The following RBMS2 variants were observed in gnomAD, a reference collection of about 807,000 sequenced individuals.
The protein encoded by RBMS2 is RNA-binding motif, single-stranded-interacting protein 2.
Under a neutral mutation model 58.4 loss-of-function variants are expected in RBMS2, and 38 were observed. The observed-to-expected ratio is 0.65, with a 90% CI of 0.50 to 0.85. RBMS2 has a LOEUF of 0.85. RBMS2 is among the 40% of genes least tolerant of loss of function. The pLI, the probability that RBMS2 is intolerant of heterozygous loss-of-function variation, is 0.00. For synonymous variants in RBMS2, 151 were observed against 180.7 expected, an observed-to-expected ratio of 0.84 and a Z score of 1.32; for missense variants, 367 against 503.7, an observed-to-expected ratio of 0.73 and a Z score of 2.60.
intron 5 of RBMS2, among the ~76,000 whole-genome samples, chr12:56,576,628 A>G (rs1037776360): frequency 2.0e-5 from 3 of 152,016 alleles, no homozygotes; most frequent in African/African-American, 7.3e-5. Context: ...CCATTTCTCT[A>G]TAGAATTTTG....
Position 56,521,896 on chromosome 12 carries a change from C to G in RBMS2, c.-128C>G, listed in dbSNP as rs890506156. 11 of 312,814 alleles carry G rather than the reference C, an allele frequency of 3.5e-5. No individual in the cohort carries two copies. The highest frequency in any genetic ancestry group is 7.2e-5 in the African/African-American group (3 of 41,464). 19.4% of individuals were successfully genotyped at this position (312,814 alleles called of 1,614,324 possible). A position where few individuals can be genotyped will look rare whatever the true frequency, so the allele number is the denominator to read the frequency against. On this transcript the variant is annotated 5_prime_UTR_variant, in exon 1 of 14. Transcript: ENST00000262031. ...TCCTTTTCTCCTCCTTTCTCCTCCC[C>G]CTCCCTTTTTTCCTCCCTCCCTCTC...
intron 1 of RBMS2, among the ~76,000 whole-genome samples, chr12:56,538,300 C>G (rs999187858): frequency 1.3e-5 from 2 of 151,394 alleles, no homozygotes; most frequent in Admixed American, 6.6e-5. Context: ...CCCAAAGTGC[C>G]TGGAATTACA....
Position 56,594,347 on chromosome 12 carries a change from G to C in RBMS2, c.*5214G>C, listed in dbSNP as rs1010535531. The C allele has an allele frequency of 6.6e-6, 1 of 152,220 alleles. No homozygotes were observed. Among genetic ancestry groups the C allele is most frequent in the Non-Finnish European group, 1.5e-5 (1 of 68,040 alleles). 9.4% of individuals were successfully genotyped at this position (152,220 alleles called of 1,614,324 possible). ...GAGGGGCTTTGCATTCTTAGCCAAG[G>C]GCAATAAACTGGGTGGGTGATCTGG... On this transcript the variant is annotated 3_prime_UTR_variant, in exon 14 of 14. Coordinates refer to ENST00000262031, the MANE Select transcript of RBMS2 (RefSeq NM_002898.4).
intron 1 of RBMS2, among the ~76,000 whole-genome samples, chr12:56,536,497 TTTCC>T (rs532331764): frequency 0.024 from 3,596 of 151,042 alleles, 72 homozygotes; most frequent in Admixed American, 0.041. Context: ...AGTAAGATCT[TTTCC>T]TTCCTTCCTT....
chr12:56,578,600 A>G (rs993700948), intron 5 of RBMS2, among the ~76,000 whole-genome samples: 6 of 152,288 alleles, frequency 3.9e-5, no homozygotes, highest in Middle Eastern at 6.8e-3. Flanking sequence ...TTTTGTTTTC[A>G]TGCTGAGAAA....
At chr12:56,580,391 C>T in intron 5 of RBMS2, 1 of 313,678 alleles carries the variant, frequency 3.2e-6, no homozygotes, top group Non-Finnish European at 6.3e-6. Context: ...TGCCACCACT[C>T]CCGGCTAATT....
intron 1 of RBMS2, among the ~76,000 whole-genome samples, chr12:56,526,958 A>G (rs1872758820): frequency 6.6e-6 from 1 of 152,178 alleles, no homozygotes; most frequent in Non-Finnish European, 1.5e-5. Context: ...GCCTTCTCCA[A>G]CGTACTTTTC....
chr12:56,547,259 G>A (rs1007233104), intron 1 of RBMS2, among the ~76,000 whole-genome samples: 1 of 152,080 alleles, frequency 6.6e-6, no homozygotes, highest in Non-Finnish European at 1.5e-5. Context: ...GGAAGCTGAG[G>A]CAGTAGAATC....
At chr12:56,524,383 A>G (rs549722177) in intron 1 of RBMS2, among the ~76,000 whole-genome samples, 3 of 151,522 alleles carry the variant, frequency 2.0e-5, no homozygotes, top group Admixed American at 6.6e-5. Flanking sequence ...TGCCTATATA[A>G]GTTTGTGAAC....
intron 9 of RBMS2, among the ~76,000 whole-genome samples, chr12:56,583,796 A>G (rs1336235182): frequency 3.3e-5 from 5 of 152,224 alleles, no homozygotes; most frequent in African/African-American, 4.8e-5. Context: ...TGCTATTCAT[A>G]TGCTTTGTCC....
At chr12:56,588,499 C>A in intron 12 of RBMS2, 125 bp downstream of exon 12, 3 of 912,688 alleles carry the variant, frequency 3.3e-6, no homozygotes, top group Non-Finnish European at 5.2e-6. Flanking sequence ...GGTAGGTATA[C>A]GAAGAACGTA....
rs574354728 is a variant in RBMS2, at chr12:56,586,558, C to CT, written c.874-279dup. On this transcript the variant is annotated intron_variant, in intron 9 of 13. Transcript: ENST00000262031. Reference sequence around the variant, plus strand: ...TCTTAGAGAGATATCTTTCCAAACCCTTTTTTTTTTTTACTAATTTTTTTA... The same window carrying CT: ...TCTTAGAGAGATATCTTTCCAAACCCTTTTTTTTTTTTTACTAATTTTTTTA... 2.9e-3 allele frequency among the ~76,000 whole-genome samples: 424 copies of CT among 145,378 alleles called. 2 individuals are homozygous for CT. The highest frequency in any genetic ancestry group is 0.014 in the South Asian group (63 of 4,576).
At chr12:56,564,875 G>A (rs1881063511) in intron 2 of RBMS2, among the ~76,000 whole-genome samples, 1 of 152,180 alleles carries the variant, frequency 6.6e-6, no homozygotes, top group African/African-American at 2.4e-5. Flanking sequence ...TCAGGAGGCT[G>A]AGGCAGAAGA....
At chr12:56,526,400 G>T (rs1451462313) in intron 1 of RBMS2, among the ~76,000 whole-genome samples, 1 of 152,020 alleles carries the variant, frequency 6.6e-6, no homozygotes, top group East Asian at 1.9e-4. Context: ...CAGGAAAGAT[G>T]TTTCCTGAGG....
chr12:56,586,037 G>GCCAGGTGT (rs1884619226), intron 9 of RBMS2, among the ~76,000 whole-genome samples: 1 of 151,870 alleles, frequency 6.6e-6, no homozygotes, highest in Non-Finnish European at 1.5e-5. Flanking sequence ...ACAAAAAGTA[G>GCCAGGTGT]CCAGGTGTGG....
At chr12:56,542,995 T>C (rs1876421355) in intron 1 of RBMS2, among the ~76,000 whole-genome samples, 7 of 152,128 alleles carry the variant, frequency 4.6e-5, no homozygotes, top group Admixed American at 4.6e-4. Context: ...AACCTCCGCC[T>C]CCTGGGTTCA....
chr12:56,547,115 C>T lies in RBMS2; in HGVS notation c.67-15302C>T, dbSNP rs139464291. On this transcript the variant is annotated intron_variant, in intron 1 of 13. Coordinates refer to ENST00000262031, the MANE Select transcript of RBMS2 (RefSeq NM_002898.4). ...CTGTAATCCTAGCACTTTGGGAGGC[C>T]AAGGCGGGTGGCATCATTTGAGGTC... Among the ~76,000 whole-genome samples the T allele has an allele frequency of 7.9e-3, 1,197 of 152,044 alleles. 17 individuals are homozygous for T. The highest frequency in any genetic ancestry group is 0.026 in the African/African-American group (1,097 of 41,480).
chr12:56,561,305 G>T (rs1880346758), intron 1 of RBMS2, among the ~76,000 whole-genome samples: 1 of 152,134 alleles, frequency 6.6e-6, no homozygotes, highest in South Asian at 2.1e-4. Context: ...TGGGCTAAAT[G>T]ATATTTCTGT....
chr12:56,549,206 G>C (rs145394334), intron 1 of RBMS2, among the ~76,000 whole-genome samples: 191 of 152,112 alleles, frequency 1.3e-3, no homozygotes, highest in African/African-American at 4.3e-3. Flanking sequence ...TGTTGACCAG[G>C]CTGGTCTTGT....
Sources: allele counts gnomAD v4.1 joint callset (sites outside exome capture counted in the v4.1 genomes callset), GRCh38; gene constraint gnomAD v4.1.1; transcripts MANE v1.5; gene names NCBI Gene and HGNC (gene_info 2026-07-23, HGNC 2026-07-21).